Variants in KLF8 observed in about 807,000 individuals in gnomAD.
The protein encoded by KLF8 is KLF transcription factor 8.
A neutral mutation model predicts 18.2 loss-of-function variants in KLF8; 10 were observed. The observed-to-expected ratio is 0.55, with a 90% CI of 0.34 to 0.93. The LOEUF is 0.93. Ranked by LOEUF, KLF8 falls within the 40% of genes least tolerant of loss-of-function variation. KLF8 has a pLI of 0.02. For missense variants in KLF8, 264 were observed against 277.9 expected (o/e 0.95, Z 0.36); for synonymous variants, 109 against 97.3 (o/e 1.12, Z -0.71).
At chrX:55,996,828 C>T in the KLF8 span, among the ~76,000 whole-genome samples, 1 of 112,124 alleles carries the variant, frequency 8.9e-6, no homozygotes, top group African/African-American at 3.2e-5. Context: ...CAGCATGGTA[C>T]TCACATCTGT....
the KLF8 span, among the ~76,000 whole-genome samples, chrX:56,202,559 T>TCCCCCCCCCCCCCCC: frequency 5.3e-5 from 4 of 75,800 alleles, no homozygotes; most frequent in African/African-American, 9.5e-5. Context: ...CCATTAACCT[T>TCCCCCCCCCCCCCCC]CCCCCCCCCT....
the KLF8 span, among the ~76,000 whole-genome samples, chrX:55,984,136 T>C: frequency 9.1e-5 from 10 of 110,072 alleles, no homozygotes; most frequent in African/African-American, 2.3e-4. Flanking sequence ...TCTTCAACTT[T>C]TTAAGTTCTG....
At chrX:56,108,693 T>A in the KLF8 span, among the ~76,000 whole-genome samples, 1 of 112,087 alleles carries the variant, frequency 8.9e-6, no homozygotes, top group Non-Finnish European at 1.9e-5. Context: ...CTATTTTGTT[T>A]ACCTCTGTTC....
intron 2 of KLF8, among the ~76,000 whole-genome samples, chrX:56,254,962 G>C (rs1481526274): frequency 8.9e-6 from 1 of 112,015 alleles, no homozygotes; most frequent in African/African-American, 3.2e-5. Flanking sequence ...GCCCTCACCA[G>C]GGACCTGCCC....
chrX:56,172,307 C>T, the KLF8 span, among the ~76,000 whole-genome samples: 15 of 110,727 alleles, frequency 1.4e-4, no homozygotes, highest in African/African-American at 4.9e-4. Context: ...CTTCCTGTGT[C>T]CATGTGTTCT....
the KLF8 span, among the ~76,000 whole-genome samples, chrX:55,932,486 T>A: frequency 8.9e-6 from 1 of 112,062 alleles, no homozygotes; most frequent in Admixed American, 9.5e-5. Flanking sequence ...CAATTTGGTA[T>A]GTTTTTGCAG....
At chrX:56,075,556 A>G in the KLF8 span, among the ~76,000 whole-genome samples, 3 of 111,648 alleles carry the variant, frequency 2.7e-5, no homozygotes, top group Admixed American at 1.9e-4. Flanking sequence ...AAAATATACA[A>G]TGTAATTATT....
the KLF8 span, among the ~76,000 whole-genome samples, chrX:56,103,643 CAT>C: frequency 1.8e-5 from 2 of 111,719 alleles, no homozygotes; most frequent in African/African-American, 3.3e-5. Context: ...AATATACAAT[CAT>C]GTCATCTGCA....
At chrX:56,281,474 A>T (rs574924411) in intron 5 of KLF8, among the ~76,000 whole-genome samples, 5 of 111,760 alleles carry the variant, frequency 4.5e-5, no homozygotes, top group Non-Finnish European at 9.4e-5. Context: ...CAGTGGTGTG[A>T]TCTCAGCTCA....
the KLF8 span, among the ~76,000 whole-genome samples, chrX:56,005,271 C>A: frequency 9.0e-6 from 1 of 110,647 alleles, no homozygotes; most frequent in Non-Finnish European, 1.9e-5. Flanking sequence ...ACTGTAGGCA[C>A]CAATATGTCC....
the KLF8 span, among the ~76,000 whole-genome samples, chrX:55,986,186 G>A: frequency 9.0e-6 from 1 of 111,328 alleles, no homozygotes; most frequent in Non-Finnish European, 1.9e-5. Context: ...GAACAGCATT[G>A]GTGAGAGAGT....
chrX:55,969,756 A>G, the KLF8 span, among the ~76,000 whole-genome samples: 1 of 111,928 alleles, frequency 8.9e-6, no homozygotes, highest in East Asian at 2.8e-4. Flanking sequence ...AAAAGCAGAC[A>G]TTACAATTCA....
At chrX:56,128,648 C>T in the KLF8 span, among the ~76,000 whole-genome samples, 1 of 111,685 alleles carries the variant, frequency 9.0e-6, no homozygotes, top group Non-Finnish European at 1.9e-5. Flanking sequence ...TACTTCAGAG[C>T]TGCTTTTAAA....
the KLF8 span, among the ~76,000 whole-genome samples, chrX:55,989,663 C>A: frequency 9.1e-6 from 1 of 110,464 alleles, no homozygotes; most frequent in Non-Finnish European, 1.9e-5. Context: ...CTAAAATTCT[C>A]TTTTTTTTGT....
chrX:56,135,808 A>G, the KLF8 span, among the ~76,000 whole-genome samples: 4 of 112,280 alleles, frequency 3.6e-5, no homozygotes, highest in Non-Finnish European at 7.5e-5. Context: ...AAATCAAGAA[A>G]TTCTTTGAAA....
chrX:56,043,485 C>T, the KLF8 span, among the ~76,000 whole-genome samples: 1 of 111,268 alleles, frequency 9.0e-6, no homozygotes, highest in African/African-American at 3.3e-5. Context: ...TATAATGAAC[C>T]CATATTTCTC....
the KLF8 span, among the ~76,000 whole-genome samples, chrX:56,141,718 G>A: frequency 9.0e-6 from 1 of 111,032 alleles, no homozygotes; most frequent in Non-Finnish European, 1.9e-5. Flanking sequence ...AAACTGACAT[G>A]GTATTAATAC....
At chrX:56,143,179 G>A in the KLF8 span, among the ~76,000 whole-genome samples, 1 of 110,958 alleles carries the variant, frequency 9.0e-6, no homozygotes, top group Non-Finnish European at 1.9e-5. Context: ...CACTGTTCCT[G>A]GAATGTAACA....
chrX:55,997,133 C>A, the KLF8 span, among the ~76,000 whole-genome samples: 3 of 111,783 alleles, frequency 2.7e-5, no homozygotes, highest in East Asian at 8.5e-4. Context: ...CCTGGTGCAG[C>A]CAGGCAGGGA....
Sources: allele counts gnomAD v4.1 joint callset (sites outside exome capture counted in the v4.1 genomes callset), GRCh38; gene constraint gnomAD v4.1.1; transcripts MANE v1.5; gene names NCBI Gene and HGNC (gene_info 2026-07-23, HGNC 2026-07-21).